Variants in NIPSNAP2 observed in about 807,000 individuals in gnomAD.
NIPSNAP2 encodes nipsnap homolog 2.
Under a neutral mutation model 48.4 loss-of-function variants are expected in NIPSNAP2, and 42 were observed. That is an observed-to-expected ratio of 0.87 (90% CI 0.68 to 1.12). NIPSNAP2 has a LOEUF of 1.12. NIPSNAP2 is among the 50% of genes most tolerant of loss of function. NIPSNAP2 has a pLI of 0.00. For synonymous variants in NIPSNAP2, 158 were observed against 126.6 expected (o/e 1.25, Z -1.67); for missense variants, 314 against 347.3 (o/e 0.90, Z 0.76).
At chr7:55,970,804 C>A (rs1403755071) in intron 1 of NIPSNAP2, among the ~76,000 whole-genome samples, 2 of 152,208 alleles carry the variant, frequency 1.3e-5, no homozygotes, top group East Asian at 3.9e-4. Context: ...GAATTAGCAC[C>A]TGCCTTCTCC....
chr7:55,977,266 C>G (rs1468799755), intron 1 of NIPSNAP2, among the ~76,000 whole-genome samples: 1 of 152,006 alleles, frequency 6.6e-6, no homozygotes, highest in Non-Finnish European at 1.5e-5. Context: ...TGGTGTGTGT[C>G]TGTAATCCCA....
At position 55,978,365 on chromosome 7, in the gene NIPSNAP2, C is replaced by A; in HGVS notation, c.248C>A (p.Pro83Gln). ...TTTGTTTCAGTTCACAATGTTAAAC[C>A]GGAATGCCTAGAAGCATACAACAAA... Reference protein sequence around the residue: ...LYKLQFHNVKPECLEAYNKIC... With the variant: ...LYKLQFHNVKQECLEAYNKIC... Residue 83 changes from proline to glutamine, a missense_variant, in exon 3 of 10, where the codon CCG becomes CAG. Physicochemically the swap from Pro to Gln is moderately conservative, Grantham distance 76 (BLOSUM62 -1). Coordinates refer to ENST00000322090, the MANE Select transcript of NIPSNAP2 (RefSeq NM_001483.3). 3 of 1,613,350 alleles carry A rather than the reference C, an allele frequency of 1.9e-6. No homozygotes were observed. The highest frequency in any genetic ancestry group is 1.1e-5 in the South Asian group (1 of 90,874).
chr7:55,998,502 T>TTTTG (rs1554344791), intron 9 of NIPSNAP2, among the ~76,000 whole-genome samples: 1 of 128,536 alleles, frequency 7.8e-6, no homozygotes, highest in African/African-American at 3.0e-5. Flanking sequence ...TGTTTTTTTT[T>TTTTG]TTTTTTTTTT....
At chr7:55,997,024 T>C (rs1274569902) in intron 8 of NIPSNAP2, among the ~76,000 whole-genome samples, 1 of 152,118 alleles carries the variant, frequency 6.6e-6, no homozygotes, top group Non-Finnish European at 1.5e-5. Context: ...GCCAATGTGG[T>C]AGCACATTCC....
chr7:55,966,497 T>C (rs1022463889), intron 1 of NIPSNAP2, among the ~76,000 whole-genome samples: 1 of 152,028 alleles, frequency 6.6e-6, no homozygotes, highest in African/African-American at 2.4e-5. Context: ...TTTTAAACCA[T>C]AGGAAGCCGG....
intron 1 of NIPSNAP2, among the ~76,000 whole-genome samples, chr7:55,969,682 G>A (rs959446156): frequency 2.0e-5 from 3 of 152,126 alleles, no homozygotes; most frequent in African/African-American, 7.2e-5. Context: ...TGCACAGTCT[G>A]TAAATAACAG....
intron 6 of NIPSNAP2, among the ~76,000 whole-genome samples, chr7:55,984,212 A>G (rs979423305): frequency 1.2e-4 from 19 of 152,220 alleles, no homozygotes; most frequent in African/African-American, 4.3e-4. Flanking sequence ...CAAATTATAT[A>G]ACATGATAAG....
intron 6 of NIPSNAP2, 89 bp from the exon 7 acceptor site, chr7:55,984,758 C>A: frequency 6.1e-6 from 6 of 976,434 alleles, no homozygotes; most frequent in African/African-American, 1.7e-5. Context: ...TTAGTTTTGT[C>A]ACTTAATGTT....
intron 1 of NIPSNAP2, among the ~76,000 whole-genome samples, chr7:55,969,869 G>C (rs1467838681): frequency 6.6e-6 from 1 of 151,462 alleles, no homozygotes; most frequent in Non-Finnish European, 1.5e-5. Context: ...TGTAGTCCCA[G>C]CTACTCAGGA....
chr7:55,991,757 A>AT (rs1554344141), intron 7 of NIPSNAP2: 11 of 142,434 alleles, frequency 7.7e-5, no homozygotes, highest in South Asian at 2.6e-4. Flanking sequence ...TCAAAAAAAA[A>AT]AAAAAAAAAT....
At chr7:55,979,140 T>C (rs1447588805) in intron 3 of NIPSNAP2, 1 of 152,308 alleles carries the variant, frequency 6.6e-6, no homozygotes, top group Non-Finnish European at 1.5e-5. Flanking sequence ...GAAAAACCTT[T>C]TGTTTTTTAT....
chr7:55,981,871 A>G (rs983932587), intron 4 of NIPSNAP2: 2 of 350,584 alleles, frequency 5.7e-6, no homozygotes, highest in South Asian at 4.3e-5. Context: ...AGTGATGAGT[A>G]TCTAGGCTCA....
In NIPSNAP2 at chr7:55,983,588, A is replaced by T. The variant is rs898181849; in HGVS notation, c.445-140A>T. ...GTTAATGATTATGCAAGCTCAACAG[A>T]TGTAAACTGGGACTGTCTCAGGCCA... On this transcript the variant is annotated intron_variant, in intron 5 of 9. Coordinates refer to ENST00000322090, the MANE Select transcript of NIPSNAP2 (RefSeq NM_001483.3). 4.3e-5 allele frequency: 29 copies of T among 669,908 alleles called. No homozygotes were observed. The Admixed American group carries it at 8.5e-4, about 20-fold the overall frequency. 41.5% of individuals were successfully genotyped at this position (669,908 alleles called of 1,614,324 possible). A position where few individuals can be genotyped will look rare whatever the true frequency, so the allele number is the denominator to read the frequency against.
intron 1 of NIPSNAP2, among the ~76,000 whole-genome samples, chr7:55,970,459 C>T (rs888854781): frequency 2.0e-5 from 3 of 151,880 alleles, no homozygotes; most frequent in African/African-American, 7.3e-5. Flanking sequence ...CAGGCGTCCA[C>T]CACCACACCT....
At chr7:55,994,835 C>A in intron 7 of NIPSNAP2, 59 bp from the exon 8 acceptor site, 1 of 1,407,702 alleles carries the variant, frequency 7.1e-7, no homozygotes, top group Non-Finnish European at 1.0e-6. Context: ...TTTAGTCTAC[C>A]GATTCTCGTT....
At position 55,969,799 on chromosome 7, in the gene NIPSNAP2, T is replaced by A. The variant is rs375458878; in HGVS notation, c.92+5098T>A. ...GAGATCGAGACCATCCTGGCTAACA[T>A]GGTGAAACCCTGTCTCTACTAAAAA... On this transcript the variant is annotated intron_variant, in intron 1 of 9. Coordinates refer to ENST00000322090, the MANE Select transcript of NIPSNAP2 (RefSeq NM_001483.3). 5.1e-4 allele frequency among the ~76,000 whole-genome samples: 77 copies of A among 151,988 alleles called. 1 individual carries two copies. Among genetic ancestry groups the A allele is most frequent in the African/African-American group, 1.7e-3 (69 of 41,458 alleles).
intron 8 of NIPSNAP2, among the ~76,000 whole-genome samples, chr7:55,995,375 A>C (rs1319706910): frequency 6.6e-6 from 1 of 152,164 alleles, no homozygotes; most frequent in Admixed American, 6.5e-5. Flanking sequence ...GCACATACTC[A>C]CTGCCTGCCT....
intron 1 of NIPSNAP2, among the ~76,000 whole-genome samples, chr7:55,976,709 G>A (rs1394052047): frequency 6.6e-6 from 1 of 152,096 alleles, no homozygotes; most frequent in East Asian, 1.9e-4. Context: ...AACATAGCAA[G>A]ACCCCATCTC....
intron 6 of NIPSNAP2, among the ~76,000 whole-genome samples, chr7:55,984,602 C>T (rs1359613760): frequency 6.6e-6 from 1 of 151,582 alleles, no homozygotes; most frequent in Non-Finnish European, 1.5e-5. Flanking sequence ...GCCGGTAATC[C>T]CAGCTACTCA....
Sources: gnomAD v4.1 joint callset for allele counts (sites outside exome capture counted in the v4.1 genomes callset) on GRCh38, gnomAD v4.1.1 for gene constraint, MANE v1.5 for transcripts, NCBI Gene and HGNC (gene_info 2026-07-23, HGNC 2026-07-21) for gene names.